The following EPHA6 variants were observed in gnomAD, a reference collection of about 807,000 sequenced individuals.
EPHA6 encodes the protein ephrin type-A receptor 6.
Under a neutral mutation model 112.0 loss-of-function variants are expected in EPHA6, and 50 were observed. The observed-to-expected ratio is 0.45, with a 90% CI of 0.36 to 0.56. The LOEUF is 0.56. Ranked by LOEUF, EPHA6 falls within the 20% of genes least tolerant of loss-of-function variation. EPHA6 has a pLI of 0.00. For synonymous variants in EPHA6, 529 were observed against 490.7 expected (o/e 1.08, Z -1.03); for missense variants, 1,280 against 1,417.4 (o/e 0.90, Z 1.56).
chr3:96,924,670 A>G (rs987982690), intron 2 of EPHA6, among the ~76,000 whole-genome samples: 4 of 151,950 alleles, frequency 2.6e-5, no homozygotes, highest in African/African-American at 4.8e-5. Flanking sequence ...TTCCAGTACT[A>G]TGTAGAATAG....
chr3:97,405,138 C>G lies in EPHA6; in HGVS notation c.1607-12C>G. ...CTGCCAATTAATTCTTAGTTATTTT[C>G]TTTCCTTTCAGCACCTTCCCTGATA... On this transcript the variant is annotated splice_polypyrimidine_tract_variant and intron_variant, in intron 5 of 17. Transcript: ENST00000389672. 6.3e-7 allele frequency: 1 copy of G among 1,577,084 alleles called. No individual in the cohort carries two copies. Among genetic ancestry groups the G allele is most frequent in the South Asian group, 1.2e-5 (1 of 85,744 alleles).
At chr3:97,326,547 G>A (rs1178123240) in intron 5 of EPHA6, among the ~76,000 whole-genome samples, 4 of 151,932 alleles carry the variant, frequency 2.6e-5, no homozygotes, top group Non-Finnish European at 5.9e-5. Context: ...CCATTCTTAA[G>A]GAAAATTGAA....
rs140494227 is a variant in EPHA6, at chr3:97,714,530, A to G, written c.2785-5731A>G. On this transcript the variant is annotated intron_variant, in intron 14 of 17. Coordinates refer to ENST00000389672, the MANE Select transcript of EPHA6 (RefSeq NM_001080448.3). ...GAAAGAGGCTGGGCACATAGTTTTAAAACACATGCACAATATAATATCGTT... is the reference window on the plus strand; with the variant it reads ...GAAAGAGGCTGGGCACATAGTTTTAGAACACATGCACAATATAATATCGTT... Among the ~76,000 whole-genome samples the G allele has an allele frequency of 4.0e-4, 61 of 152,358 alleles. 1 individual carries two copies. The East Asian group carries it at 8.1e-3, about 20-fold the overall frequency.
chr3:97,167,752 A>G (rs2076577441), intron 3 of EPHA6, among the ~76,000 whole-genome samples: 1 of 152,076 alleles, frequency 6.6e-6, no homozygotes, highest in Non-Finnish European at 1.5e-5. Context: ...TCATATTTTT[A>G]TATAGCGTAT....
intron 11 of EPHA6, among the ~76,000 whole-genome samples, chr3:97,566,061 T>C (rs2093262532): frequency 6.6e-6 from 1 of 150,788 alleles, no homozygotes; most frequent in African/African-American, 2.4e-5. Context: ...TGGCTCACAG[T>C]TCTGCGACTG....
At chr3:97,138,582 C>T (rs2075819141) in intron 3 of EPHA6, among the ~76,000 whole-genome samples, 2 of 152,218 alleles carry the variant, frequency 1.3e-5, no homozygotes, top group Non-Finnish European at 2.9e-5. Flanking sequence ...CTCCCTATCA[C>T]AGCCAAAGCT....
intron 14 of EPHA6, chr3:97,648,184 C>T (rs942896724): frequency 1.6e-5 from 9 of 549,278 alleles, no homozygotes; most frequent in African/African-American, 5.8e-5. Flanking sequence ...GCAATTCAGT[C>T]GAAATACTTT....
chr3:97,325,865 T>C (rs571487179), intron 5 of EPHA6, among the ~76,000 whole-genome samples: 1 of 152,236 alleles, frequency 6.6e-6, no homozygotes, highest in African/African-American at 2.4e-5. Flanking sequence ...TTTATTATGT[T>C]TATCTGGAAT....
At chr3:97,093,254 A>T (rs2047130176) in intron 3 of EPHA6, among the ~76,000 whole-genome samples, 1 of 152,148 alleles carries the variant, frequency 6.6e-6, no homozygotes, top group South Asian at 2.1e-4. Context: ...TTCCTGATTT[A>T]AAAGGGGAAT....
chr3:96,828,568 C>A (rs1415861997), intron 1 of EPHA6, among the ~76,000 whole-genome samples: 1 of 152,144 alleles, frequency 6.6e-6, no homozygotes, highest in Non-Finnish European at 1.5e-5. Flanking sequence ...TTAGGAATGG[C>A]TTGTCCACCT....
At position 96,983,703 on chromosome 3, in the gene EPHA6, A is replaced by T. The variant is rs949079506; in HGVS notation, c.451-3627A>T. Among the ~76,000 whole-genome samples the T allele has an allele frequency of 1.1e-4, 17 of 151,982 alleles. 1 individual carries two copies. The highest frequency in any genetic ancestry group is 2.4e-4 in the Non-Finnish European group (16 of 67,990). ...TTTCAGGTACACCAATCAGATGTAG[A>T]TTTTGTCTTTTCACATAGTCCCATA... On this transcript the variant is annotated intron_variant, in intron 2 of 17. Coordinates refer to ENST00000389672, the MANE Select transcript of EPHA6 (RefSeq NM_001080448.3).
At chr3:97,308,592 G>A (rs2081420213) in intron 5 of EPHA6, among the ~76,000 whole-genome samples, 1 of 151,646 alleles carries the variant, frequency 6.6e-6, no homozygotes. Context: ...TCCAACTGAA[G>A]TTTAACATCT....
intron 5 of EPHA6, among the ~76,000 whole-genome samples, chr3:97,303,012 C>T (rs2081159053): frequency 6.6e-6 from 1 of 151,714 alleles, no homozygotes; most frequent in Non-Finnish European, 1.5e-5. Flanking sequence ...ATGGAATATT[C>T]ACTCAAGTAA....
intron 11 of EPHA6, among the ~76,000 whole-genome samples, chr3:97,570,650 A>T (rs2107221000): frequency 6.6e-6 from 1 of 151,860 alleles, no homozygotes; most frequent in Non-Finnish European, 1.5e-5. Flanking sequence ...AATTGCTTGA[A>T]CCCAGGAGGC....
chr3:96,883,992 A>C (rs2037478774), intron 2 of EPHA6, among the ~76,000 whole-genome samples: 1 of 151,904 alleles, frequency 6.6e-6, no homozygotes, highest in African/African-American at 2.4e-5. Context: ...TCCCCATTTT[A>C]TGTTTTTGTT....
chr3:97,135,740 T>TAA (rs58000616), intron 3 of EPHA6, among the ~76,000 whole-genome samples: 19 of 119,702 alleles, frequency 1.6e-4, no homozygotes, highest in East Asian at 1.4e-3. Flanking sequence ...ATGGCAAGAT[T>TAA]AAAAAAAAAA....
At chr3:96,946,524 A>G (rs1465245887) in intron 2 of EPHA6, among the ~76,000 whole-genome samples, 1 of 152,144 alleles carries the variant, frequency 6.6e-6, no homozygotes, top group Non-Finnish European at 1.5e-5. Flanking sequence ...TTATGGCTGC[A>G]TAGTATTCCA....
At position 97,755,974 on chromosome 3, in the gene EPHA6, C is replaced by T. The variant is rs1029510087; in HGVS notation, c.*7273C>T. Among the ~76,000 whole-genome samples the T allele has an allele frequency of 2.6e-5, 4 of 151,962 alleles. No individual in the cohort carries two copies. The highest frequency in any genetic ancestry group is 4.4e-5 in the Non-Finnish European group (3 of 67,876). On this transcript the variant is annotated 3_prime_UTR_variant, in exon 18 of 18. Coordinates refer to ENST00000389672, the MANE Select transcript of EPHA6 (RefSeq NM_001080448.3). The stretch of plus-strand genomic sequence containing the variant: ...GCTTTTATAATTAAAAATCTCTTTC[C>T]TACCTTTAGTAATTTGTAGGATGAA...
At chr3:97,700,666 G>A (rs1297484640) in intron 14 of EPHA6, among the ~76,000 whole-genome samples, 1 of 152,192 alleles carries the variant, frequency 6.6e-6, no homozygotes, top group African/African-American at 2.4e-5. Context: ...CACCTAGGGT[G>A]TGGGATATGG....
Sources: gnomAD v4.1 joint callset for allele counts (sites outside exome capture counted in the v4.1 genomes callset) on GRCh38, gnomAD v4.1.1 for gene constraint, MANE v1.5 for transcripts, NCBI Gene and HGNC (gene_info 2026-07-23, HGNC 2026-07-21) for gene names.